The following NFE2L3 variants were observed in gnomAD, a reference collection of about 807,000 sequenced individuals.
The protein encoded by NFE2L3 is NFE2 like bZIP transcription factor 3.
In NFE2L3, 18 loss-of-function variants were observed where a neutral mutation model predicts 23.5. The ratio of observed to expected loss-of-function variants is 0.77; its 90% CI spans 0.53 to 1.13. NFE2L3 has a LOEUF of 1.13. Among genes scored for constraint, NFE2L3 ranks in the 50% most tolerant of loss-of-function variants. The pLI, the probability that NFE2L3 is intolerant of heterozygous loss-of-function variation, is 0.00. For synonymous variants in NFE2L3, 424 were observed against 354.5 expected, an observed-to-expected ratio of 1.20 and a Z score of -2.20; for missense variants, 1,152 against 877.2, an observed-to-expected ratio of 1.31 and a Z score of -3.96.
At chr7:26,158,614 C>T (rs1784122831) in intron 1 of NFE2L3, among the ~76,000 whole-genome samples, 1 of 152,180 alleles carries the variant, frequency 6.6e-6, no homozygotes, top group African/African-American at 2.4e-5. Context: ...CCATCTTTTT[C>T]CAGTCAGTAT....
At position 26,183,562 on chromosome 7, in the gene NFE2L3, AGAACTTCCAACCAAG is replaced by A. The variant is rs1304594700; in HGVS notation, c.751-134_751-120del. 9.7e-6 allele frequency: 6 copies of A among 615,812 alleles called. No individual in the cohort carries two copies. The Admixed American group carries it at 1.7e-4, about 18-fold the overall frequency. 38.1% of individuals were successfully genotyped at this position (615,812 alleles called of 1,614,324 possible). The stretch of plus-strand genomic sequence containing the variant: ...TCCGTCTCAAAATATAATAAAAAGT[AGAACTTCCAACCAAG>A]GAACATAATAGCATAAAAATCCAGT... On this transcript the variant is annotated intron_variant, in intron 2 of 3. Transcript: ENST00000056233.
At chr7:26,183,873 C>G (rs1168233842) in intron 3 of NFE2L3, 89 bp downstream of exon 3, 1 of 869,600 alleles carries the variant, frequency 1.1e-6, no homozygotes, top group Admixed American at 1.9e-5. Flanking sequence ...TTGGATGACA[C>G]AGCAGTTTAA....
intron 1 of NFE2L3, among the ~76,000 whole-genome samples, chr7:26,163,063 C>T (rs994305920): frequency 2.6e-5 from 4 of 152,112 alleles, no homozygotes; most frequent in East Asian, 1.9e-4. Flanking sequence ...GGATAATGCC[C>T]CCCTCCCCAT....
intron 1 of NFE2L3, among the ~76,000 whole-genome samples, chr7:26,176,293 G>T (rs1460479685): frequency 6.6e-6 from 1 of 152,036 alleles, no homozygotes; most frequent in Non-Finnish European, 1.5e-5. Flanking sequence ...CTGATCTCTC[G>T]TTCTTTTCCC....
At chr7:26,158,719 A>T (rs1021323326) in intron 1 of NFE2L3, among the ~76,000 whole-genome samples, 1 of 152,132 alleles carries the variant, frequency 6.6e-6, no homozygotes, top group Non-Finnish European at 1.5e-5. Context: ...CAACCCACAC[A>T]GTGGGAAATG....
chr7:26,172,454 G>A (rs992426968), intron 1 of NFE2L3, among the ~76,000 whole-genome samples: 4 of 152,146 alleles, frequency 2.6e-5, no homozygotes, highest in African/African-American at 9.7e-5. Flanking sequence ...CCTAAGAACA[G>A]TGATTTTCTT....
At chr7:26,172,068 C>A (rs559840204) in intron 1 of NFE2L3, among the ~76,000 whole-genome samples, 8 of 152,130 alleles carry the variant, frequency 5.3e-5, no homozygotes, top group Non-Finnish European at 1.2e-4. Context: ...ATTTGGGAAG[C>A]ATAGCTAAAG....
chr7:26,174,933 C>T (rs1294960423), intron 1 of NFE2L3: 2 of 152,142 alleles, frequency 1.3e-5, no homozygotes, highest in Non-Finnish European at 2.9e-5. Flanking sequence ...TAGAAGAATT[C>T]TCTAGCCTTT....
intron 3 of NFE2L3, chr7:26,184,315 T>G: frequency 1.9e-6 from 1 of 517,314 alleles, no homozygotes; most frequent in Non-Finnish European, 3.4e-6. Flanking sequence ...TACTAATCCA[T>G]CTTAATTTCT....
At chr7:26,184,366 T>G in intron 3 of NFE2L3, 167 bp from the exon 4 acceptor site, 2 of 594,382 alleles carry the variant, frequency 3.4e-6, no homozygotes, top group Admixed American at 6.5e-5. Flanking sequence ...TGGACTCACA[T>G]CTCGTATTGT....
chr7:26,153,504 A>C (rs902729898), intron 1 of NFE2L3, among the ~76,000 whole-genome samples: 1 of 152,146 alleles, frequency 6.6e-6, no homozygotes, highest in African/African-American at 2.4e-5. Flanking sequence ...CTCCCGGCCT[A>C]ACGCAAGGAC....
chr7:26,168,554 T>C (rs1424005382), intron 1 of NFE2L3, among the ~76,000 whole-genome samples: 1 of 148,310 alleles, frequency 6.7e-6, no homozygotes, highest in Non-Finnish European at 1.5e-5. Context: ...ATAGAGATTA[T>C]ATATAATATA....
Position 26,185,463 on chromosome 7 carries a change from A to T in NFE2L3, c.1765A>T (p.Lys589Ter). The T allele has an allele frequency of 6.2e-7, 1 of 1,614,068 alleles. No homozygotes were observed. The highest frequency in any genetic ancestry group is 8.5e-7 in the Non-Finnish European group (1 of 1,179,910). ...TGACATCAGACGAAGAGGGAAAAAT[A>T]AAGTTGCTGCGCAGAACTGTCGTAA... ...IRDIRRRGKN[K>*]VAAQNCRKRK... Residue 589 changes from lysine (K) to a stop codon, truncating the protein, a stop_gained, in exon 4 of 4, where the codon AAA becomes TAA. Transcript: ENST00000056233. LOFTEE classifies it low-confidence loss of function (END_TRUNC).
intron 1 of NFE2L3, among the ~76,000 whole-genome samples, chr7:26,168,584 TA>T (rs1439794744): frequency 6.7e-6 from 1 of 149,702 alleles, no homozygotes; most frequent in East Asian, 1.9e-4. Flanking sequence ...AGATTATAGA[TA>T]TATTTCTATC....
intron 2 of NFE2L3, among the ~76,000 whole-genome samples, chr7:26,181,652 A>G (rs192819722): frequency 3.9e-5 from 6 of 152,316 alleles, no homozygotes; most frequent in Non-Finnish European, 7.3e-5. Context: ...AGAATTAAAA[A>G]TGACATAAAT....
intron 1 of NFE2L3, among the ~76,000 whole-genome samples, chr7:26,153,962 C>A (rs1430656450): frequency 6.6e-6 from 1 of 152,220 alleles, no homozygotes; most frequent in Non-Finnish European, 1.5e-5. Flanking sequence ...TAACGATCAA[C>A]CAGTGGTGAT....
chr7:26,175,529 G>A (rs749702151), intron 1 of NFE2L3, among the ~76,000 whole-genome samples: 9 of 152,034 alleles, frequency 5.9e-5, no homozygotes, highest in East Asian at 3.9e-4. Context: ...TGTAATCCCA[G>A]CACTTTGGGA....
At chr7:26,176,109 TGCACC>T (rs1204089510) in intron 1 of NFE2L3, among the ~76,000 whole-genome samples, 1 of 151,180 alleles carries the variant, frequency 6.6e-6, no homozygotes. Flanking sequence ...AAGCACATCT[TGCACC>T]GCCCTTAATC....
In NFE2L3 at chr7:26,186,586, A is replaced by G. The variant is rs1453219907; in HGVS notation, c.*803A>G. 3 of 152,212 alleles carry G rather than the reference A, an allele frequency of 2.0e-5. No homozygotes were observed. The highest frequency in any genetic ancestry group is 4.4e-5 in the Non-Finnish European group (3 of 68,024). The allele number at this position is 152,212 out of a possible 1,614,324, so 9.4% of individuals were successfully genotyped here. On this transcript the variant is annotated 3_prime_UTR_variant, in exon 4 of 4. Coordinates refer to ENST00000056233, the MANE Select transcript of NFE2L3 (RefSeq NM_004289.7). ...CATGTAACCAGAGACAGAATGGGCT[A>G]CTTGCAAAAACGTAACTCCTTGTGT...
Sources: allele counts gnomAD v4.1 joint callset (sites outside exome capture counted in the v4.1 genomes callset), GRCh38; gene constraint gnomAD v4.1.1; transcripts MANE v1.5; gene names NCBI Gene and HGNC (gene_info 2026-07-23, HGNC 2026-07-21).